GARRE1: variants seen among roughly 807,000 people sequenced by gnomAD.
The protein encoded by GARRE1 is granule associated Rac and RHOG effector protein 1.
A neutral mutation model predicts 103.2 loss-of-function variants in GARRE1; 49 were observed. The observed-to-expected ratio is 0.47, with a 90% CI of 0.38 to 0.60. The LOEUF (loss-of-function observed/expected upper bound fraction) is 0.60, where lower values mean the gene tolerates loss of function less well. GARRE1 is among the 20% of genes least tolerant of loss of function. The pLI, the probability that GARRE1 is intolerant of heterozygous loss-of-function variation, is 0.00. For synonymous variants in GARRE1, 505 were observed against 532.8 expected (o/e 0.95, Z 0.72); for missense variants, 1,199 against 1,370.5 (o/e 0.87, Z 1.98).
intron 1 of GARRE1, chr19:34,296,148 C>T (rs2073945621): frequency 3.7e-6 from 1 of 271,984 alleles, no homozygotes; most frequent in Non-Finnish European, 5.9e-6. Context: ...TCCTGGATCC[C>T]TCGCTTTTTT....
chr19:34,261,514 C>T (rs540189770), intron 1 of GARRE1, among the ~76,000 whole-genome samples: 38 of 152,244 alleles, frequency 2.5e-4, no homozygotes, highest in African/African-American at 8.4e-4. Flanking sequence ...GACAGATAAG[C>T]TCTTCCTACA....
At chr19:34,340,560 A>G (rs1403187153) in intron 9 of GARRE1, among the ~76,000 whole-genome samples, 1 of 151,808 alleles carries the variant, frequency 6.6e-6, no homozygotes, top group Non-Finnish European at 1.5e-5. Context: ...TAGTGGTACA[A>G]TCTCAGCTCA....
At position 34,318,987 on chromosome 19, in the gene GARRE1, C is replaced by T. The variant is rs545971258; in HGVS notation, c.496-920C>T. Among the ~76,000 whole-genome samples, 3 of 151,432 alleles carry T rather than the reference C, an allele frequency of 2.0e-5. No homozygotes were observed. In the South Asian group the frequency reaches 6.3e-4, roughly 32 times the overall value. On this transcript the variant is annotated intron_variant, in intron 2 of 13. Coordinates refer to ENST00000299505, the MANE Select transcript of GARRE1 (RefSeq NM_014686.5). ...CCGAGATCACGCCACTGCACTCCAGCCTGGGTGACAGAGCGAGACTCCATT... is the reference window on the plus strand; with the variant it reads ...CCGAGATCACGCCACTGCACTCCAGTCTGGGTGACAGAGCGAGACTCCATT...
chr19:34,353,022 A>C lies in GARRE1; in HGVS notation c.*67A>C. 7.2e-7 allele frequency: 1 copy of C among 1,386,860 alleles called. No homozygotes were observed. The highest frequency in any genetic ancestry group is 1.4e-5 in the South Asian group (1 of 69,960). 85.9% of individuals were successfully genotyped at this position (1,386,860 alleles called of 1,614,324 possible). On this transcript the variant is annotated 3_prime_UTR_variant, in exon 14 of 14. Coordinates refer to ENST00000299505, the MANE Select transcript of GARRE1 (RefSeq NM_014686.5). ...CAGAGCTGTGGGGATGAGTGTCCCC[A>C]CCCCAGGGCCACTTAGCTGACACCA...
chr19:34,345,174 ACCT>A (rs2074205531), intron 10 of GARRE1, among the ~76,000 whole-genome samples: 1 of 150,208 alleles, frequency 6.7e-6, no homozygotes, highest in African/African-American at 2.5e-5. Flanking sequence ...GCTGGTCTTG[ACCT>A]CCTGACCTCA....
intron 1 of GARRE1, among the ~76,000 whole-genome samples, chr19:34,275,233 C>G (rs2145960660): frequency 6.7e-6 from 1 of 150,086 alleles, no homozygotes; most frequent in East Asian, 2.0e-4. Flanking sequence ...TTTTTTGTAA[C>G]AGCTTTATTG....
intron 2 of GARRE1, among the ~76,000 whole-genome samples, chr19:34,319,014 C>CAAA (rs35793838): frequency 6.7e-6 from 1 of 148,818 alleles, no homozygotes; most frequent in African/African-American, 2.5e-5. Context: ...GACTCCATTT[C>CAAA]AAAAAAAAAA....
At chr19:34,282,688 G>A (rs2073862876) in intron 1 of GARRE1, among the ~76,000 whole-genome samples, 1 of 152,152 alleles carries the variant, frequency 6.6e-6, no homozygotes, top group Non-Finnish European at 1.5e-5. Flanking sequence ...TTTTTCAATA[G>A]TCCTCTTGCC....
intron 1 of GARRE1, among the ~76,000 whole-genome samples, chr19:34,289,382 C>T (rs767464017): frequency 2.0e-5 from 3 of 151,872 alleles, no homozygotes; most frequent in Non-Finnish European, 4.4e-5. Flanking sequence ...AGGTAGGTTG[C>T]AGTGAGCCAG....
At chr19:34,288,209 G>A (rs1399773562) in intron 1 of GARRE1, among the ~76,000 whole-genome samples, 1 of 152,164 alleles carries the variant, frequency 6.6e-6, no homozygotes, top group Non-Finnish European at 1.5e-5. Flanking sequence ...TGAAAGAAAA[G>A]GAAGCGTGGG....
intron 7 of GARRE1, among the ~76,000 whole-genome samples, chr19:34,332,244 C>T (rs766660159): frequency 1.3e-5 from 2 of 151,680 alleles, no homozygotes; most frequent in African/African-American, 4.8e-5. Context: ...GGGATCTTTT[C>T]CTCAGTATAG....
chr19:34,298,147 G>A (rs1328323320), intron 1 of GARRE1, among the ~76,000 whole-genome samples: 2 of 152,182 alleles, frequency 1.3e-5, no homozygotes, highest in African/African-American at 4.8e-5. Context: ...GGTCAAGCAC[G>A]GTGGCTCATG....
chr19:34,275,117 G>A (rs1424705604), intron 1 of GARRE1, among the ~76,000 whole-genome samples: 1 of 150,584 alleles, frequency 6.6e-6, no homozygotes, highest in Non-Finnish European at 1.5e-5. Flanking sequence ...ATCAAGGGTA[G>A]ATATTTGGAT....
At chr19:34,296,649 G>C in intron 1 of GARRE1, 1 of 1,017,290 alleles carries the variant, frequency 9.8e-7, no homozygotes, top group Non-Finnish European at 1.5e-6. Context: ...CCACTTAAGA[G>C]ATTTGTATCT....
chr19:34,301,101 T>TA, intron 2 of GARRE1, 133 bp downstream of exon 2: 2 of 987,434 alleles, frequency 2.0e-6, no homozygotes, highest in East Asian at 2.5e-5. Flanking sequence ...TCTGTCTTTG[T>TA]AAAAAATGTG....
At position 34,330,286 on chromosome 19, in the gene GARRE1, C is replaced by G. The variant is rs1329407784; in HGVS notation, c.1202C>G (p.Pro401Arg). The change falls in exon 7 of 14, where the codon CCT (proline) becomes CGT (arginine). Residue 401 changes from proline (P) to arginine (R), a missense_variant. By Grantham distance (103) the Pro-to-Arg change is moderately radical. Coordinates refer to ENST00000299505, the MANE Select transcript of GARRE1 (RefSeq NM_014686.5). Reference sequence around the variant, plus strand: ...ACTGAAGTGCTGAACCAGGTTTGCCCTTCCACATGGCGAGGTGCCTGCAAG... The same window carrying G: ...ACTGAAGTGCTGAACCAGGTTTGCCGTTCCACATGGCGAGGTGCCTGCAAG... ...PVTEVLNQVC[P>R]STWRGACKTA... The G allele has an allele frequency of 3.1e-6, 5 of 1,614,176 alleles. No homozygotes were observed.
intron 7 of GARRE1, among the ~76,000 whole-genome samples, chr19:34,330,727 CTTT>C (rs1213759081): frequency 2.9e-5 from 3 of 102,098 alleles, no homozygotes; most frequent in Admixed American, 2.2e-4. Flanking sequence ...GACCCTGCCT[CTTT>C]TTTTTTTTTT....
Position 34,353,687 on chromosome 19 carries a change from G to C in GARRE1, c.*732G>C, listed in dbSNP as rs2074253722. On this transcript the variant is annotated 3_prime_UTR_variant, in exon 14 of 14. Coordinates refer to ENST00000299505, the MANE Select transcript of GARRE1 (RefSeq NM_014686.5). ...GCAGAATGGTGGAACTTGTGCCGGA[G>C]GTACACTGCTGAAGGTGCGTGGCGG... 6.6e-6 allele frequency: 1 copy of C among 152,278 alleles called. No individual in the cohort carries two copies. The highest frequency in any genetic ancestry group is 1.5e-5 in the Non-Finnish European group (1 of 68,078). 9.4% of individuals were successfully genotyped at this position (152,278 alleles called of 1,614,324 possible).
At chr19:34,308,581 T>C (rs1323417006) in intron 2 of GARRE1, among the ~76,000 whole-genome samples, 2 of 152,144 alleles carry the variant, frequency 1.3e-5, no homozygotes. Context: ...TGCATTGTGG[T>C]CAACAAACAT....
Sources: allele counts gnomAD v4.1 joint callset (sites outside exome capture counted in the v4.1 genomes callset), GRCh38; gene constraint gnomAD v4.1.1; transcripts MANE v1.5; gene names NCBI Gene and HGNC (gene_info 2026-07-23, HGNC 2026-07-21).